ZC3H14: variants seen among roughly 807,000 people sequenced by gnomAD.
ZC3H14 encodes the protein zinc finger CCCH domain-containing protein 14.
In ZC3H14, 31 loss-of-function variants were observed where a neutral mutation model predicts 92.4. The observed-to-expected ratio is 0.34, with a 90% CI of 0.25 to 0.45. ZC3H14 has a LOEUF of 0.45. Among genes scored for constraint, ZC3H14 ranks in the 20% least tolerant of loss-of-function variants. The probability of loss-of-function intolerance (pLI) is 1.00; values close to 1 mark genes in which losing one functional copy is unlikely to be tolerated. For missense variants in ZC3H14, 781 were observed against 897.3 expected (o/e 0.87, Z 1.66); for synonymous variants, 321 against 300.9 (o/e 1.07, Z -0.69).
In ZC3H14 at chr14:88,621,983, CT is replaced by C. The variant is rs1243010848; in HGVS notation, c.*10233del. The stretch of plus-strand genomic sequence containing the variant: ...GAATACTAAAACATACTATTCCTAT[CT>C]GGCTGTGTAAACTTGTATCCTTTAA... On this transcript the variant is annotated 3_prime_UTR_variant, in exon 17 of 17. Transcript: ENST00000251038. The C allele has an allele frequency of 4.8e-6, 2 of 420,838 alleles. No individual in the cohort carries two copies. The highest frequency in any genetic ancestry group is 9.6e-6 in the Non-Finnish European group (2 of 208,002). The allele number at this position is 420,838 out of a possible 1,614,324, so 26.1% of individuals were successfully genotyped here. A position where few individuals can be genotyped will look rare whatever the true frequency, so the allele number is the denominator to read the frequency against.
At chr14:88,589,923 AG>A (rs1303281804) in intron 9 of ZC3H14, 2 of 152,474 alleles carry the variant, frequency 1.3e-5, no homozygotes, top group Non-Finnish European at 2.9e-5. Flanking sequence ...TGAGGCTAGG[AG>A]TTCGAGACCT....
chr14:88,595,195 G>A, intron 9 of ZC3H14: 1 of 1,569,972 alleles, frequency 6.4e-7, no homozygotes, highest in South Asian at 1.2e-5. Flanking sequence ...GCTCTGATGT[G>A]GAGGGAGCAA....
chr14:88,565,152 AT>A (rs1014812773), intron 2 of ZC3H14, among the ~76,000 whole-genome samples: 1 of 151,786 alleles, frequency 6.6e-6, no homozygotes, highest in Non-Finnish European at 1.5e-5. Context: ...TATTATTATT[AT>A]TTTTTTTGAG....
Position 88,572,020 on chromosome 14 carries a change from T to G in ZC3H14, c.236-10T>G. On this transcript the variant is annotated splice_polypyrimidine_tract_variant and intron_variant, in intron 4 of 16. Transcript: ENST00000251038. ...AAAATAGATTAAAAGGACTGTATTT[T>G]TCTTTTCAGAACCCTCTAGTCTGAA... is the stretch of plus-strand genomic sequence containing the variant. The G allele has an allele frequency of 6.2e-7, 1 of 1,606,754 alleles. No homozygotes were observed. The highest frequency in any genetic ancestry group is 1.7e-5 in the Admixed American group (1 of 59,684).
chr14:88,599,572 G>A (rs566535002), intron 10 of ZC3H14, among the ~76,000 whole-genome samples: 216 of 152,278 alleles, frequency 1.4e-3, no homozygotes, highest in Non-Finnish European at 2.9e-3. Flanking sequence ...CAACCCTGGA[G>A]CATGTTACAC....
chr14:88,612,811 CTG>C lies in ZC3H14; in HGVS notation c.*1062_*1063del, dbSNP rs980829768. ...GTTTTTTTGTGTGTGGTTTTTAAAA[CTG>C]TTAAGGCAAGAAGTGTCAAATGCTT... On this transcript the variant is annotated 3_prime_UTR_variant, in exon 17 of 17. Coordinates refer to ENST00000251038, the MANE Select transcript of ZC3H14 (RefSeq NM_024824.5). 2.0e-4 allele frequency: 30 copies of C among 152,580 alleles called. No homozygotes were observed. Among genetic ancestry groups the C allele is most frequent in the African/African-American group, 5.1e-4 (21 of 41,518 alleles). The allele number at this position is 152,580 out of a possible 1,614,324, so 9.5% of individuals were successfully genotyped here. A position where few individuals can be genotyped will look rare whatever the true frequency, so the allele number is the denominator to read the frequency against.
rs1213827076 is a variant in ZC3H14, at chr14:88,615,726, T to A, written c.*3975T>A. 8.3e-7 allele frequency: 1 copy of A among 1,203,548 alleles called. No homozygotes were observed. Among genetic ancestry groups the A allele is most frequent in the African/African-American group, 1.5e-5 (1 of 65,670 alleles). 74.6% of individuals were successfully genotyped at this position (1,203,548 alleles called of 1,614,324 possible). A position where few individuals can be genotyped will look rare whatever the true frequency, so the allele number is the denominator to read the frequency against. On this transcript the variant is annotated 3_prime_UTR_variant, in exon 17 of 17. Transcript: ENST00000251038. Reference sequence around the variant, plus strand: ...ATTTCTCCCTGTTACAGTCTTGGGTTAGCACCACTTGACCATGCAGGGTTG... The same window carrying A: ...ATTTCTCCCTGTTACAGTCTTGGGTAAGCACCACTTGACCATGCAGGGTTG...
Position 88,616,080 on chromosome 14 carries a change from T to C in ZC3H14, c.*4329T>C. 1.3e-6 allele frequency: 2 copies of C among 1,540,566 alleles called. No individual in the cohort carries two copies. The highest frequency in any genetic ancestry group is 9.0e-7 in the Non-Finnish European group (1 of 1,114,620). On this transcript the variant is annotated 3_prime_UTR_variant, in exon 17 of 17. Coordinates refer to ENST00000251038, the MANE Select transcript of ZC3H14 (RefSeq NM_024824.5). Reference sequence around the variant, plus strand: ...TCATAAACCAAAGCTGTAGGAGTTGTTGTATTAAGTCTCTTAACTAGTAAC... The same window carrying C: ...TCATAAACCAAAGCTGTAGGAGTTGCTGTATTAAGTCTCTTAACTAGTAAC...
intron 16 of ZC3H14, 29 bp downstream of exon 16, chr14:88,610,969 T>G: frequency 6.4e-7 from 1 of 1,553,658 alleles, no homozygotes; most frequent in Non-Finnish European, 8.9e-7. Flanking sequence ...TTTTCTCATG[T>G]CAGTTCAAAT....
intron 7 of ZC3H14, 58 bp from the exon 8 acceptor site, chr14:88,575,781 TG>T (rs1186325354): frequency 7.8e-6 from 11 of 1,410,362 alleles, no homozygotes; most frequent in African/African-American, 2.8e-5. Flanking sequence ...AATAGATGGC[TG>T]GCCTGTGAGG....
intron 9 of ZC3H14, among the ~76,000 whole-genome samples, chr14:88,588,323 C>T (rs745977076): frequency 6.6e-6 from 1 of 152,068 alleles, no homozygotes; most frequent in Non-Finnish European, 1.5e-5. Flanking sequence ...TTTGTAATCA[C>T]GTCACAAAGA....
At chr14:88,579,410 A>G (rs1374407653) in intron 9 of ZC3H14, among the ~76,000 whole-genome samples, 1 of 152,158 alleles carries the variant, frequency 6.6e-6, no homozygotes, top group Admixed American at 6.5e-5. Flanking sequence ...GCTGAAACTG[A>G]GGAGGGATTT....
intron 12 of ZC3H14, among the ~76,000 whole-genome samples, chr14:88,603,294 G>A (rs1200584459): frequency 2.6e-5 from 4 of 152,196 alleles, no homozygotes; most frequent in Admixed American, 2.6e-4. Flanking sequence ...CATGGAACCT[G>A]AGAGACCTCT....
intron 10 of ZC3H14, among the ~76,000 whole-genome samples, chr14:88,601,560 G>A (rs1039890200): frequency 2.0e-5 from 3 of 152,188 alleles, no homozygotes; most frequent in Non-Finnish European, 2.9e-5. Flanking sequence ...AGCAGTCTGT[G>A]TATTCTAATT....
intron 9 of ZC3H14, among the ~76,000 whole-genome samples, chr14:88,584,307 A>T (rs1292103279): frequency 3.3e-5 from 5 of 152,190 alleles, no homozygotes; most frequent in African/African-American, 1.2e-4. Flanking sequence ...GGCAATTTGA[A>T]AAAACTTGTA....
chr14:88,585,340 A>G (rs1405968486), intron 9 of ZC3H14, among the ~76,000 whole-genome samples: 1 of 148,536 alleles, frequency 6.7e-6, no homozygotes, highest in East Asian at 1.9e-4. Context: ...TGGTTCTACA[A>G]TTTTAAACTA....
intron 9 of ZC3H14, among the ~76,000 whole-genome samples, chr14:88,579,237 C>A (rs535740088): frequency 6.6e-6 from 1 of 152,130 alleles, no homozygotes; most frequent in Non-Finnish European, 1.5e-5. Context: ...TTTGTTTCCT[C>A]ATTGTGTCTC....
chr14:88,575,559 T>C (rs1431809910), intron 7 of ZC3H14, among the ~76,000 whole-genome samples: 2 of 152,002 alleles, frequency 1.3e-5, no homozygotes, highest in Non-Finnish European at 2.9e-5. Flanking sequence ...AGTTGGTCAT[T>C]GTGGCAGGCA....
intron 9 of ZC3H14, chr14:88,591,433 A>G (rs1300624548): frequency 6.6e-6 from 1 of 152,206 alleles, no homozygotes; most frequent in African/African-American, 2.4e-5. Flanking sequence ...GTGAGACTCC[A>G]TCTCGGAAAA....
Sources: allele counts gnomAD v4.1 joint callset (sites outside exome capture counted in the v4.1 genomes callset), GRCh38; gene constraint gnomAD v4.1.1; transcripts MANE v1.5; gene names NCBI Gene and HGNC (gene_info 2026-07-23, HGNC 2026-07-21).